The following AUTS2 variants were observed in gnomAD, a reference collection of about 807,000 sequenced individuals.
AUTS2 encodes the protein activator of transcription and developmental regulator AUTS2.
In AUTS2, 17 loss-of-function variants were observed where a neutral mutation model predicts 112.4. The observed-to-expected ratio is 0.15, with a 90% confidence interval of 0.10 to 0.23. The LOEUF is 0.23. Ranked by LOEUF, AUTS2 falls within the 10% of genes least tolerant of loss-of-function variation. The probability of loss-of-function intolerance (pLI) is 1.00; values close to 1 mark genes in which losing one functional copy is unlikely to be tolerated. For synonymous variants in AUTS2, 751 were observed against 702.7 expected (o/e 1.07, Z -1.09); for missense variants, 1,510 against 1,701.6 (o/e 0.89, Z 1.98).
intron 1 of AUTS2, among the ~76,000 whole-genome samples, chr7:69,766,521 C>T (rs542224004): frequency 6.6e-5 from 10 of 152,228 alleles, no homozygotes; most frequent in South Asian, 6.2e-4. Flanking sequence ...GAGAAACTAC[C>T]GTACTGTTTT....
chr7:70,771,518 CT>C (rs760298948), intron 10 of AUTS2, 30 bp from the exon 11 acceptor site: 15 of 1,566,650 alleles, frequency 9.6e-6, no homozygotes, highest in East Asian at 6.8e-5. Flanking sequence ...CTACTAAAAT[CT>C]TTTTTCCCCC....
chr7:70,009,741 T>A (rs1416750644), intron 2 of AUTS2, among the ~76,000 whole-genome samples: 1 of 152,192 alleles, frequency 6.6e-6, no homozygotes, highest in Non-Finnish European at 1.5e-5. Flanking sequence ...TATTATTATC[T>A]CCACTTTGTA....
At chr7:70,497,030 C>A (rs536888588) in intron 5 of AUTS2, among the ~76,000 whole-genome samples, 1 of 110,818 alleles carries the variant, frequency 9.0e-6, no homozygotes, top group Non-Finnish European at 1.9e-5. Context: ...CACACACACC[C>A]CACACATGCA....
intron 1 of AUTS2, among the ~76,000 whole-genome samples, chr7:69,612,106 A>G (rs1308325512): frequency 6.6e-6 from 1 of 152,240 alleles, no homozygotes; most frequent in African/African-American, 2.4e-5. Context: ...GACGATGATT[A>G]TAATATTAAT....
At chr7:69,986,200 G>A (rs535351667) in intron 2 of AUTS2, among the ~76,000 whole-genome samples, 1 of 152,256 alleles carries the variant, frequency 6.6e-6, no homozygotes, top group South Asian at 2.1e-4. Context: ...TTGAATGAAA[G>A]TAAGTTCCAT....
chr7:70,399,417 A>G lies in AUTS2; in HGVS notation c.661-36335A>G, dbSNP rs150152751. 1.8e-3 allele frequency among the ~76,000 whole-genome samples: 271 copies of G among 152,060 alleles called. 1 individual carries two copies. Among genetic ancestry groups the G allele is most frequent in the African/African-American group, 5.7e-3 (238 of 41,480 alleles). On this transcript the variant is annotated intron_variant, in intron 4 of 18. Coordinates refer to ENST00000342771, the MANE Select transcript of AUTS2 (RefSeq NM_015570.4). The stretch of plus-strand genomic sequence containing the variant: ...TTTTGCTTATGGGTTTGCTTTTTAG[A>G]GCTCTGTATCATCTTTCTTATATAA...
intron 2 of AUTS2, among the ~76,000 whole-genome samples, chr7:69,971,024 A>T (rs762146291): frequency 6.6e-6 from 1 of 152,124 alleles, no homozygotes; most frequent in African/African-American, 2.4e-5. Context: ...ATTAAAAATT[A>T]AAAAATTAGC....
intron 1 of AUTS2, among the ~76,000 whole-genome samples, chr7:69,695,193 G>T (rs890791533): frequency 6.6e-6 from 1 of 152,088 alleles, no homozygotes; most frequent in Non-Finnish European, 1.5e-5. Context: ...GTCACATGTG[G>T]TGGCACACCC....
At chr7:69,946,234 T>G (rs1182218297) in intron 2 of AUTS2, among the ~76,000 whole-genome samples, 2 of 152,178 alleles carry the variant, frequency 1.3e-5, no homozygotes, top group Admixed American at 6.5e-5. Context: ...AGCATATGTC[T>G]TCCAGGTTCA....
intron 1 of AUTS2, among the ~76,000 whole-genome samples, chr7:69,643,782 C>G (rs900132612): frequency 1.3e-5 from 2 of 152,124 alleles, no homozygotes; most frequent in African/African-American, 2.4e-5. Context: ...TCTCCACCCC[C>G]CAAATTCGTA....
chr7:70,170,454 T>C (rs1251866657), intron 4 of AUTS2, among the ~76,000 whole-genome samples: 1 of 152,056 alleles, frequency 6.6e-6, no homozygotes, highest in Admixed American at 6.6e-5. Context: ...CTAGCCTAAA[T>C]ATATTAATAA....
At chr7:69,775,473 T>C (rs573856217) in intron 1 of AUTS2, among the ~76,000 whole-genome samples, 42 of 152,156 alleles carry the variant, frequency 2.8e-4, no homozygotes, top group Non-Finnish European at 2.4e-4. Context: ...GCCCAGGGAC[T>C]CTCCTCACTG....
chr7:69,767,276 C>A (rs1403329325), intron 1 of AUTS2, among the ~76,000 whole-genome samples: 1 of 151,710 alleles, frequency 6.6e-6, no homozygotes, highest in Non-Finnish European at 1.5e-5. Flanking sequence ...ACCTGCTAGG[C>A]TCAAGTGATC....
chr7:70,531,678 C>A (rs182993791), intron 5 of AUTS2, among the ~76,000 whole-genome samples: 1 of 152,164 alleles, frequency 6.6e-6, no homozygotes, highest in Non-Finnish European at 1.5e-5. Context: ...TGGCACCAAG[C>A]CATTCATGAG....
At chr7:70,122,389 C>T (rs1309786933) in intron 3 of AUTS2, among the ~76,000 whole-genome samples, 2 of 152,178 alleles carry the variant, frequency 1.3e-5, no homozygotes, top group Non-Finnish European at 2.9e-5. Flanking sequence ...TCTGCTTTCA[C>T]TTCATTGAAA....
intron 5 of AUTS2, among the ~76,000 whole-genome samples, chr7:70,504,948 GA>G (rs1585228576): frequency 6.6e-6 from 1 of 151,904 alleles, no homozygotes; most frequent in African/African-American, 2.4e-5. Flanking sequence ...GAAGAGGCTG[GA>G]AAAAGAAAAA....
chr7:70,295,438 C>T (rs988721509), intron 4 of AUTS2, among the ~76,000 whole-genome samples: 3 of 152,200 alleles, frequency 2.0e-5, no homozygotes, highest in Non-Finnish European at 2.9e-5. Context: ...AACCTCCGTT[C>T]TCTCTCTGTT....
At chr7:69,800,127 A>T (rs998695213) in intron 1 of AUTS2, among the ~76,000 whole-genome samples, 8 of 152,228 alleles carry the variant, frequency 5.3e-5, no homozygotes, top group Admixed American at 2.0e-4. Context: ...AGTGTAAGTC[A>T]GATAAATATG....
intron 4 of AUTS2, among the ~76,000 whole-genome samples, chr7:70,230,204 C>T (rs1811975637): frequency 6.6e-6 from 1 of 152,218 alleles, no homozygotes; most frequent in Non-Finnish European, 1.5e-5. Flanking sequence ...CTGATTTCCC[C>T]ATCTCTTCCC....
Sources: allele counts gnomAD v4.1 joint callset (sites outside exome capture counted in the v4.1 genomes callset), GRCh38; gene constraint gnomAD v4.1.1; transcripts MANE v1.5; gene names NCBI Gene and HGNC (gene_info 2026-07-23, HGNC 2026-07-21).